Variants in AOX1 observed in about 807,000 individuals in gnomAD.
The protein encoded by AOX1 is aldehyde oxidase.
A neutral mutation model predicts 169.5 loss-of-function variants in AOX1; 153 were observed. The observed-to-expected ratio is 0.90, with a 90% confidence interval of 0.79 to 1.03. AOX1 has a LOEUF of 1.03. AOX1 is among the 50% of genes least tolerant of loss of function. The pLI is 0.00. For synonymous variants in AOX1, 562 were observed against 581.9 expected, an observed-to-expected ratio of 0.97 and a Z score of 0.49; for missense variants, 1,656 against 1,663.9, an observed-to-expected ratio of 1.00 and a Z score of 0.08.
intron 21 of AOX1, 142 bp from the exon 22 acceptor site, chr2:200,636,769 A>G: frequency 5.2e-6 from 5 of 957,336 alleles, no homozygotes; most frequent in Non-Finnish European, 7.6e-6. Context: ...TAAAGAATCA[A>G]AACATCTAGT....
intron 26 of AOX1, 36 bp from the exon 27 acceptor site, chr2:200,656,806 A>G (rs1019639788): frequency 1.1e-5 from 16 of 1,400,772 alleles, no homozygotes; most frequent in Non-Finnish European, 1.5e-5. Context: ...TAATATCAAA[A>G]AGATCACAGA....
At chr2:200,626,599 C>A (rs1278072153) in intron 19 of AOX1, among the ~76,000 whole-genome samples, 1 of 152,198 alleles carries the variant, frequency 6.6e-6, no homozygotes, top group Non-Finnish European at 1.5e-5. Context: ...CCAGGGAGAG[C>A]CAATAGGAGC....
At chr2:200,665,466 C>G (rs1241699039) in intron 31 of AOX1, among the ~76,000 whole-genome samples, 1 of 152,216 alleles carries the variant, frequency 6.6e-6, no homozygotes, top group East Asian at 1.9e-4. Flanking sequence ...GATTCTTGCT[C>G]TGTTGCCCAG....
At chr2:200,659,017 A>T (rs1360522625) in intron 27 of AOX1, 148 bp from the exon 28 acceptor site, 2 of 651,206 alleles carry the variant, frequency 3.1e-6, no homozygotes, top group Non-Finnish European at 4.8e-6. Flanking sequence ...AGAAACAAGA[A>T]ACTTTTCATG....
chr2:200,612,828 T>TGGA (rs1271532927), intron 14 of AOX1, 35 bp downstream of exon 14: 1 of 1,574,824 alleles, frequency 6.3e-7, no homozygotes. Context: ...CTCTAATACT[T>TGGA]GTCCTTAGAC....
chr2:200,595,240 A>C (rs764308047), intron 2 of AOX1, 32 bp from the exon 3 acceptor site: 1 of 1,557,906 alleles, frequency 6.4e-7, no homozygotes, highest in South Asian at 1.1e-5. Context: ...GAATTACATA[A>C]CACATATGAT....
In AOX1 at chr2:200,611,431, C is replaced by T. The variant is rs753517873; in HGVS notation, c.1201C>T (p.Pro401Ser). The change falls in exon 13 of 35, where the codon CCT (proline) becomes TCT (serine). Residue 401 changes from proline to serine, a missense_variant. Coordinates refer to ENST00000374700, the MANE Select transcript of AOX1 (RefSeq NM_001159.4). ...AAATGAGCAATTCCTCAGCAAGTGC[C>T]CTAATGCAGATCTTAAGCCTCAAGA... ...PLNEQFLSKC[P>S]NADLKPQEIL... 1.5e-5 allele frequency: 25 copies of T among 1,613,948 alleles called. 1 individual carries two copies. The South Asian group carries it at 2.6e-4, about 17-fold the overall frequency.
chr2:200,597,862 A>G (rs934194625), intron 4 of AOX1, among the ~76,000 whole-genome samples: 1 of 152,200 alleles, frequency 6.6e-6, no homozygotes, highest in Non-Finnish European at 1.5e-5. Flanking sequence ...TAATCCCAAC[A>G]CTTTGGGAGG....
Position 200,605,526 on chromosome 2 carries a change from G to C in AOX1, c.815-10G>C. 1 of 1,170,006 alleles carries C rather than the reference G, an allele frequency of 8.5e-7. No homozygotes were observed. Among genetic ancestry groups the C allele is most frequent in the Non-Finnish European group, 1.1e-6 (1 of 880,356 alleles). The allele number at this position is 1,170,006 out of a possible 1,614,324, so 72.5% of individuals were successfully genotyped here. ...GTCTTATTGATTTTTTTTTTTTTTT[G>C]ATCCTTTAGGGCCTGAAGTGAAATT... On this transcript the variant is annotated splice_polypyrimidine_tract_variant and intron_variant, in intron 9 of 34. Transcript: ENST00000374700.
chr2:200,662,850 T>C lies in AOX1; in HGVS notation c.3429-5T>C, dbSNP rs376439171. 55 of 1,612,012 alleles carry C rather than the reference T, an allele frequency of 3.4e-5. No individual in the cohort carries two copies. The African/African-American group carries it at 7.2e-4, about 21-fold the overall frequency. On this transcript the variant is annotated splice_polypyrimidine_tract_variant and splice_region_variant and intron_variant, in intron 30 of 34. Coordinates refer to ENST00000374700, the MANE Select transcript of AOX1 (RefSeq NM_001159.4). ...TCACTTAACAACACTCACTGTTTCT[T>C]CCAGAGGTTATGAGTCAGACATGAA...
At chr2:200,610,374 A>C (rs1487816905) in intron 12 of AOX1, among the ~76,000 whole-genome samples, 1 of 152,238 alleles carries the variant, frequency 6.6e-6, no homozygotes, top group Non-Finnish European at 1.5e-5. Flanking sequence ...GCTTGGTCAC[A>C]AAACTATCTT....
At chr2:200,597,253 T>A (rs951138684) in intron 3 of AOX1, 144 bp from the exon 4 acceptor site, 16 of 502,836 alleles carry the variant, frequency 3.2e-5, no homozygotes, top group African/African-American at 3.1e-4. Context: ...GGCCTGTGCC[T>A]GAGCTAAGGA....
chr2:200,638,417 A>C (rs2035285190), intron 23 of AOX1, 115 bp downstream of exon 23: 4 of 857,126 alleles, frequency 4.7e-6, no homozygotes. Flanking sequence ...CAAATCAAAA[A>C]CAGAGCATCT....
At chr2:200,651,464 C>T (rs2035579555) in intron 26 of AOX1, among the ~76,000 whole-genome samples, 1 of 152,118 alleles carries the variant, frequency 6.6e-6, no homozygotes, top group Non-Finnish European at 1.5e-5. Flanking sequence ...CTGGCCCTGG[C>T]AACAGGAGTT....
intron 25 of AOX1, among the ~76,000 whole-genome samples, chr2:200,648,952 C>T (rs1347205672): frequency 6.6e-6 from 1 of 152,074 alleles, no homozygotes; most frequent in Non-Finnish European, 1.5e-5. Context: ...CCCCCAACAG[C>T]CCTGAGTTTG....
At position 200,659,907 on chromosome 2, in the gene AOX1, G is replaced by T. The variant is rs1319008077; in HGVS notation, c.3301-88G>T. ...TTTTTCCATGTTCCCTCTTAGATAAGCCTATGGAATGGTACATATTATGTT... is the reference window on the plus strand; with the variant it reads ...TTTTTCCATGTTCCCTCTTAGATAATCCTATGGAATGGTACATATTATGTT... On this transcript the variant is annotated intron_variant, in intron 28 of 34. Coordinates refer to ENST00000374700, the MANE Select transcript of AOX1 (RefSeq NM_001159.4). 9.9e-6 allele frequency: 10 copies of T among 1,009,862 alleles called. No individual in the cohort carries two copies. The East Asian group carries it at 2.4e-4, about 25-fold the overall frequency. 62.6% of individuals were successfully genotyped at this position (1,009,862 alleles called of 1,614,324 possible). A position where few individuals can be genotyped will look rare whatever the true frequency, so the allele number is the denominator to read the frequency against.
intron 4 of AOX1, 31 bp from the exon 5 acceptor site, chr2:200,599,589 T>A (rs770354600): frequency 1.4e-5 from 22 of 1,575,672 alleles, no homozygotes; most frequent in Non-Finnish European, 1.9e-5. Context: ...GGGCCCCAAA[T>A]TCTGCATTTC....
chr2:200,657,471 A>G (rs1222741090), intron 27 of AOX1, among the ~76,000 whole-genome samples: 1 of 152,104 alleles, frequency 6.6e-6, no homozygotes, highest in Non-Finnish European at 1.5e-5. Flanking sequence ...AAACCCCTAA[A>G]AGAATGTGGC....
chr2:200,598,027 G>C (rs956012475), intron 4 of AOX1, among the ~76,000 whole-genome samples: 1 of 152,030 alleles, frequency 6.6e-6, no homozygotes, highest in Non-Finnish European at 1.5e-5. Flanking sequence ...AGAATCACTT[G>C]AGCCTGGGAG....
Sources: gnomAD v4.1 joint callset for allele counts (sites outside exome capture counted in the v4.1 genomes callset) on GRCh38, gnomAD v4.1.1 for gene constraint, MANE v1.5 for transcripts, NCBI Gene and HGNC (gene_info 2026-07-23, HGNC 2026-07-21) for gene names.